Variants in IQSEC1 observed in about 807,000 individuals in gnomAD.
The protein encoded by IQSEC1 is IQ motif and Sec7 domain ArfGEF 1.
In IQSEC1, 31 loss-of-function variants were observed where a neutral mutation model predicts 91.0. The ratio of observed to expected loss-of-function variants is 0.34; its 90% CI spans 0.26 to 0.46. The LOEUF is 0.46. Ranked by LOEUF, IQSEC1 falls within the 20% of genes least tolerant of loss-of-function variation. The pLI is 1.00. For missense variants in IQSEC1, 1,388 were observed against 1,575.6 expected (o/e 0.88, Z 2.02); for synonymous variants, 699 against 662.6 (o/e 1.05, Z -0.84).
intron 1 of IQSEC1, among the ~76,000 whole-genome samples, chr3:13,059,186 A>G (rs1252516236): frequency 6.6e-6 from 1 of 152,038 alleles, no homozygotes; most frequent in Non-Finnish European, 1.5e-5. Flanking sequence ...GGTGTCCCAT[A>G]GGGCTCTCCT....
At position 13,264,801 on chromosome 3, in the gene IQSEC1, T is replaced by C. The variant is rs1216216355; in HGVS notation, c.272+17910A>G. On this transcript the variant is annotated intron_variant, in intron 1 of 15. Transcript: ENST00000648114. ...GGGGGACTGTCACCCAGCCCACCCC[T>C]TCCCTCTCACTCTATCCCTCTGGTT... Among the ~76,000 whole-genome samples the C allele has an allele frequency of 2.7e-5, 4 of 149,486 alleles. No individual in the cohort carries two copies. The East Asian group carries it at 8.0e-4, about 30-fold the overall frequency.
intron 1 of IQSEC1, among the ~76,000 whole-genome samples, chr3:13,066,691 C>T (rs866923850): frequency 1.3e-5 from 2 of 152,204 alleles, no homozygotes; most frequent in South Asian, 2.1e-4. Context: ...CAGGAAGGGG[C>T]GCCCACTGCC....
At chr3:13,097,096 G>A (rs563663261) in intron 2 of IQSEC1, among the ~76,000 whole-genome samples, 6 of 152,172 alleles carry the variant, frequency 3.9e-5, no homozygotes, top group African/African-American at 1.4e-4. Context: ...TCCTGACCTC[G>A]TGATCCGCCC....
intron 13 of IQSEC1, among the ~76,000 whole-genome samples, chr3:12,902,354 C>CA (rs1694412144): frequency 6.6e-6 from 1 of 152,058 alleles, no homozygotes; most frequent in African/African-American, 2.4e-5. Flanking sequence ...GTCAAGGGTT[C>CA]AGCAAAAACA....
rs1043784951 is a variant in IQSEC1 at position 12,900,306 on chromosome 3, TC to T, written c.*676del. On this transcript the variant is annotated 3_prime_UTR_variant, in exon 14 of 14. Coordinates refer to ENST00000613206, the MANE Select transcript of IQSEC1 (RefSeq NM_001134382.3). The stretch of plus-strand genomic sequence containing the variant: ...GAAAATATGAAGTATCTGAATTTGT[TC>T]CTAGCATTTAGGGTTTGGTCTATTG... 2.3e-5 allele frequency: 23 copies of T among 984,856 alleles called. No homozygotes were observed. Among genetic ancestry groups the T allele is most frequent in the Admixed American group, 6.2e-5 (1 of 16,238 alleles). The allele number at this position is 984,856 out of a possible 1,614,324, so 61.0% of individuals were successfully genotyped here.
rs1027351787 is a variant in IQSEC1 at position 12,979,848 on chromosome 3, A to G, written c.24-37983T>C. 2.6e-5 allele frequency among the ~76,000 whole-genome samples: 4 copies of G among 152,054 alleles called. No individual in the cohort carries two copies. The highest frequency in any genetic ancestry group is 2.6e-4 in the Admixed American group (4 of 15,262). ...GGAATCGTTTCGCGGCCTGGATCTC[A>G]TACTTCCTGAAACCCTGCTTGGTGG... On this transcript the variant is annotated intron_variant, in intron 1 of 13. Transcript: ENST00000613206. The surrounding 1 kb of genome is among the most constrained non-coding windows in gnomAD (Gnocchi z 4.3).
At chr3:13,151,384 G>C (rs1706996756) in intron 2 of IQSEC1, among the ~76,000 whole-genome samples, 1 of 152,168 alleles carries the variant, frequency 6.6e-6, no homozygotes, top group Non-Finnish European at 1.5e-5. Context: ...ATCATTCAGG[G>C]ACCAGCTGAA....
At chr3:13,208,742 C>T (rs905591300) in intron 1 of IQSEC1, among the ~76,000 whole-genome samples, 3 of 152,256 alleles carry the variant, frequency 2.0e-5, no homozygotes, top group Non-Finnish European at 4.4e-5. Context: ...CGAGAGGAGC[C>T]CCCAACTCCG....
At chr3:13,001,369 C>T (rs76255905) in intron 1 of IQSEC1, among the ~76,000 whole-genome samples, 160 of 152,286 alleles carry the variant, frequency 1.1e-3, no homozygotes, top group African/African-American at 3.7e-3. Context: ...TCTGCTCTCC[C>T]GTCTGAGAAA....
At chr3:13,242,775 A>T (rs2125105058) in intron 1 of IQSEC1, among the ~76,000 whole-genome samples, 1 of 152,082 alleles carries the variant, frequency 6.6e-6, no homozygotes, top group South Asian at 2.1e-4. Context: ...TTCAGGCTTC[A>T]CGTCACCGGG....
At chr3:13,128,776 C>T (rs766656176) in intron 2 of IQSEC1, among the ~76,000 whole-genome samples, 6 of 150,122 alleles carry the variant, frequency 4.0e-5, no homozygotes. Context: ...ACTCAAGAGG[C>T]TGAGGCAGGA....
chr3:13,031,897 T>C (rs1413486708), intron 1 of IQSEC1, among the ~76,000 whole-genome samples: 6 of 152,002 alleles, frequency 3.9e-5, no homozygotes, highest in Non-Finnish European at 7.4e-5. Context: ...GTAGAGAACT[T>C]CATGAGCCCC....
At chr3:13,086,021 G>A (rs1003551737) in intron 2 of IQSEC1, among the ~76,000 whole-genome samples, 2 of 152,204 alleles carry the variant, frequency 1.3e-5, no homozygotes, top group East Asian at 1.9e-4. Context: ...TTGGGCCGCC[G>A]CAGGGCTGGC....
In IQSEC1 at chr3:12,935,344, C is replaced by G; in HGVS notation, c.1568+104G>C. The G allele has an allele frequency of 8.6e-7, 1 of 1,163,156 alleles. No homozygotes were observed. The highest frequency in any genetic ancestry group is 1.2e-6 in the Non-Finnish European group (1 of 815,400). The allele number at this position is 1,163,156 out of a possible 1,614,324, so 72.1% of individuals were successfully genotyped here. A position where few individuals can be genotyped will look rare whatever the true frequency, so the allele number is the denominator to read the frequency against. On this transcript the variant is annotated intron_variant, in intron 3 of 13. Coordinates refer to ENST00000613206, the MANE Select transcript of IQSEC1 (RefSeq NM_001134382.3). The surrounding 1 kb of genome is among the most constrained non-coding windows in gnomAD (Gnocchi z 8.0). ...GGCAGCTTCCTATGCTCATAGGCCA[C>G]GGTGGACCTCAAGCTCCGTGCTTGG...
chr3:12,980,660 G>C (rs1701406847), intron 1 of IQSEC1, among the ~76,000 whole-genome samples: 1 of 152,214 alleles, frequency 6.6e-6, no homozygotes, highest in African/African-American at 2.4e-5. Context: ...GGGGAGGGGA[G>C]ATCAGGAGGG....
At chr3:12,961,453 TG>T (rs945565692) in intron 1 of IQSEC1, among the ~76,000 whole-genome samples, 2 of 152,260 alleles carry the variant, frequency 1.3e-5, no homozygotes, top group African/African-American at 4.8e-5. Flanking sequence ...CACTTCTTTG[TG>T]GGCTGTTTGG....
At chr3:13,051,986 C>T (rs1461162019) in intron 1 of IQSEC1, among the ~76,000 whole-genome samples, 1 of 152,210 alleles carries the variant, frequency 6.6e-6, no homozygotes, top group Admixed American at 6.5e-5. Context: ...GTGTGCCCCT[C>T]CCCTAGCCTT....
At chr3:12,932,881 C>G (rs1237739529) in intron 3 of IQSEC1, among the ~76,000 whole-genome samples, 1 of 152,244 alleles carries the variant, frequency 6.6e-6, no homozygotes, top group African/African-American at 2.4e-5. Context: ...AGAGGAACAT[C>G]TGGAGGCCTG....
At chr3:13,011,459 C>T (rs1702879500) in intron 1 of IQSEC1, among the ~76,000 whole-genome samples, 1 of 152,230 alleles carries the variant, frequency 6.6e-6, no homozygotes, top group African/African-American at 2.4e-5. Context: ...TCCTCACTTA[C>T]AGAGGAGGTC....
Sources: allele counts gnomAD v4.1 joint callset (sites outside exome capture counted in the v4.1 genomes callset), GRCh38; gene constraint gnomAD v4.1.1; non-coding constraint Gnocchi (gnomAD v3.1); transcripts MANE v1.5; gene names NCBI Gene and HGNC (gene_info 2026-07-23, HGNC 2026-07-21).